The following KALRN variants were observed in gnomAD, a reference collection of about 807,000 sequenced individuals.
KALRN encodes the protein kalirin RhoGEF kinase.
Under a neutral mutation model 353.7 loss-of-function variants are expected in KALRN, and 70 were observed. The ratio of observed to expected loss-of-function variants is 0.20; its 90% CI spans 0.16 to 0.24. KALRN has a LOEUF of 0.24. KALRN is among the 10% of genes least tolerant of loss of function. The probability of loss-of-function intolerance (pLI) is 1.00; values close to 1 mark genes in which losing one functional copy is unlikely to be tolerated. For missense variants in KALRN, 2,791 were observed against 3,756.7 expected, an observed-to-expected ratio of 0.74 and a Z score of 6.72; for synonymous variants, 1,391 against 1,434.8, an observed-to-expected ratio of 0.97 and a Z score of 0.69.
At chr3:124,486,027 A>G (rs1193951093) in intron 28 of KALRN, among the ~76,000 whole-genome samples, 1 of 152,240 alleles carries the variant, frequency 6.6e-6, no homozygotes, top group African/African-American at 2.4e-5. Context: ...AAATACATGT[A>G]TATTTAATTG....
chr3:124,060,991 A>G (rs769832864), intron 1 of KALRN, among the ~76,000 whole-genome samples: 2 of 152,218 alleles, frequency 1.3e-5, no homozygotes, highest in Non-Finnish European at 2.9e-5. Context: ...ATGCTCCTTC[A>G]TTCTCTCAGA....
chr3:124,400,272 GA>G (rs2090696143), intron 13 of KALRN, among the ~76,000 whole-genome samples: 1 of 152,084 alleles, frequency 6.6e-6, no homozygotes, highest in Non-Finnish European at 1.5e-5. Context: ...AAATGTAAAA[GA>G]AAAGCAATCA....
At chr3:124,490,385 C>A (rs979523516) in intron 29 of KALRN, among the ~76,000 whole-genome samples, 1 of 152,118 alleles carries the variant, frequency 6.6e-6, no homozygotes, top group Non-Finnish European at 1.5e-5. Flanking sequence ...TGGGATTTGC[C>A]CTTGCAGGAG....
At chr3:124,048,379 T>C (rs563688614) in intron 1 of KALRN, among the ~76,000 whole-genome samples, 72 of 152,336 alleles carry the variant, frequency 4.7e-4, no homozygotes, top group African/African-American at 1.6e-3. Flanking sequence ...GATAGCTTTT[T>C]TTCATTTAAC....
intron 11 of KALRN, among the ~76,000 whole-genome samples, chr3:124,387,891 G>A (rs767795952): frequency 2.0e-5 from 3 of 152,042 alleles, no homozygotes; most frequent in Non-Finnish European, 2.9e-5. Flanking sequence ...GTGGGACTTT[G>A]TATCTGCATG....
chr3:124,495,979 A>AT (rs1561136362), intron 32 of KALRN, among the ~76,000 whole-genome samples: 1 of 30,814 alleles, frequency 3.2e-5, no homozygotes, highest in African/African-American at 1.7e-4. Context: ...ATATATATAT[A>AT]TATATATATA....
chr3:124,370,114 C>A (rs140292888), intron 10 of KALRN, among the ~76,000 whole-genome samples: 1 of 151,978 alleles, frequency 6.6e-6, no homozygotes, highest in Non-Finnish European at 1.5e-5. Flanking sequence ...TTCAAGACAC[C>A]TTTGTAAGTG....
chr3:124,203,718 G>A (rs1396189803), intron 1 of KALRN, among the ~76,000 whole-genome samples: 2 of 152,166 alleles, frequency 1.3e-5, no homozygotes, highest in African/African-American at 2.4e-5. Context: ...ACCAATTCAG[G>A]AGTCTTCCCA....
intron 5 of KALRN, among the ~76,000 whole-genome samples, chr3:124,286,085 T>TCC (rs2075821594): frequency 4.9e-5 from 6 of 121,928 alleles, no homozygotes; most frequent in African/African-American, 6.8e-5. Context: ...TTTCCTTCCT[T>TCC]TCTTTCTTTC....
Position 124,374,303 on chromosome 3 carries a change from A to G in KALRN, c.1771-10542A>G, listed in dbSNP as rs572720206. The G allele has an allele frequency of 1.2e-4, 19 of 152,406 alleles. No individual in the cohort carries two copies. The East Asian group carries it at 3.3e-3, about 26-fold the overall frequency. The allele number at this position is 152,406 out of a possible 1,614,324, so 9.4% of individuals were successfully genotyped here. On this transcript the variant is annotated intron_variant, in intron 10 of 59. Transcript: ENST00000682506. ...ATGTATAAGCCACCCATTGTAAAGC[A>G]TTTGTTATAGCAGCATGAATGGTCT...
intron 27 of KALRN, among the ~76,000 whole-genome samples, chr3:124,482,071 A>G (rs1226187905): frequency 2.6e-5 from 4 of 152,212 alleles, no homozygotes; most frequent in African/African-American, 9.6e-5. Flanking sequence ...GACTAGAAGC[A>G]CAAACAGCAG....
At chr3:124,064,580 C>T (rs2042207150) in intron 1 of KALRN, among the ~76,000 whole-genome samples, 2 of 152,160 alleles carry the variant, frequency 1.3e-5, no homozygotes, top group South Asian at 4.2e-4. Context: ...TGACCTCCCA[C>T]CGCACACACT....
At chr3:124,163,463 C>A in intron 1 of KALRN, 1 of 251,126 alleles carries the variant, frequency 4.0e-6, no homozygotes, top group Non-Finnish European at 6.3e-6. Flanking sequence ...TTTGACAAAT[C>A]ACGTTGCAAG....
chr3:124,534,343 AG>A (rs1303489079), intron 33 of KALRN, among the ~76,000 whole-genome samples: 1 of 152,092 alleles, frequency 6.6e-6, no homozygotes, highest in African/African-American at 2.4e-5. Flanking sequence ...TGGGCACAGG[AG>A]GGGTAACAAC....
chr3:124,123,863 A>T (rs555459180), intron 1 of KALRN, among the ~76,000 whole-genome samples: 1 of 152,344 alleles, frequency 6.6e-6, no homozygotes, highest in South Asian at 2.1e-4. Context: ...AAGCCCACTG[A>T]TGAGACCCAC....
intron 34 of KALRN, chr3:124,584,719 G>A (rs2074957648): frequency 6.7e-7 from 1 of 1,489,684 alleles, no homozygotes; most frequent in Non-Finnish European, 8.9e-7. Flanking sequence ...GGGGAGGGCG[G>A]GAGCCGGCTC....
intron 1 of KALRN, among the ~76,000 whole-genome samples, chr3:124,143,886 C>G (rs1339552207): frequency 6.6e-6 from 1 of 152,026 alleles, no homozygotes; most frequent in Admixed American, 6.6e-5. Flanking sequence ...TTTAAAAAAG[C>G]CAGTTTTCAT....
chr3:124,368,205 T>C (rs2085249366), intron 10 of KALRN, among the ~76,000 whole-genome samples: 1 of 101,662 alleles, frequency 9.8e-6, no homozygotes, highest in Admixed American at 9.3e-5. Flanking sequence ...CCCCCACACC[T>C]CCCTCCCGGA....
At chr3:124,446,559 G>T (rs1298253762) in intron 20 of KALRN, among the ~76,000 whole-genome samples, 1 of 152,152 alleles carries the variant, frequency 6.6e-6, no homozygotes, top group Non-Finnish European at 1.5e-5. Flanking sequence ...GTCTACTGGG[G>T]GAGACCCTCT....
Sources: gnomAD v4.1 joint callset for allele counts (sites outside exome capture counted in the v4.1 genomes callset) on GRCh38, gnomAD v4.1.1 for gene constraint, MANE v1.5 for transcripts, NCBI Gene and HGNC (gene_info 2026-07-23, HGNC 2026-07-21) for gene names.